The following HIPK2 variants were observed in gnomAD, a reference collection of about 807,000 sequenced individuals.
HIPK2 encodes the protein homeodomain interacting protein kinase 2.
Under a neutral mutation model 113.7 loss-of-function variants are expected in HIPK2, and 27 were observed. That is an observed-to-expected ratio of 0.24 (90% CI 0.17 to 0.33). The LOEUF is 0.33. HIPK2 is among the 10% of genes least tolerant of loss of function. The probability of loss-of-function intolerance (pLI) is 1.00; values close to 1 mark genes in which losing one functional copy is unlikely to be tolerated. For synonymous variants in HIPK2, 631 were observed against 642.2 expected (o/e 0.98, Z 0.26); for missense variants, 1,257 against 1,588.0 (o/e 0.79, Z 3.54).
rs1176072419 is a variant in HIPK2, at chr7:139,565,613, T to G, written c.*7314A>C. The G allele has an allele frequency of 6.6e-6, 1 of 152,228 alleles. No homozygotes were observed. The highest frequency in any genetic ancestry group is 2.4e-5 in the African/African-American group (1 of 41,464). The allele number at this position is 152,228 out of a possible 1,614,324, so 9.4% of individuals were successfully genotyped here. A position where few individuals can be genotyped will look rare whatever the true frequency, so the allele number is the denominator to read the frequency against. On this transcript the variant is annotated 3_prime_UTR_variant, in exon 15 of 15. Transcript: ENST00000406875. ...ATGAAAGCTGGCTGGTTTTCCTGTT[T>G]ATACAATTGTTGCTATTTCTTTGAG...
chr7:139,580,464 T>C (rs1207320960), intron 13 of HIPK2, among the ~76,000 whole-genome samples: 1 of 152,224 alleles, frequency 6.6e-6, no homozygotes, highest in Non-Finnish European at 1.5e-5. Context: ...CCTGTGGCGA[T>C]GGACAAAGCG....
At chr7:139,667,676 G>C (rs1327320623) in intron 2 of HIPK2, among the ~76,000 whole-genome samples, 1 of 152,092 alleles carries the variant, frequency 6.6e-6, no homozygotes, top group Non-Finnish European at 1.5e-5. Context: ...TAGAAACATT[G>C]CCAGATTCTC....
intron 6 of HIPK2, among the ~76,000 whole-genome samples, chr7:139,624,053 C>T (rs1052394609): frequency 6.7e-6 from 1 of 149,572 alleles, no homozygotes; most frequent in South Asian, 2.1e-4. Flanking sequence ...GACGGAGTCT[C>T]GCTCTGTCGC....
At chr7:139,573,675 C>G (rs187576797) in intron 14 of HIPK2, among the ~76,000 whole-genome samples, 1 of 152,010 alleles carries the variant, frequency 6.6e-6, no homozygotes, top group African/African-American at 2.4e-5. Context: ...AACCCCGTCT[C>G]TACTAAAATA....
At chr7:139,700,488 A>G (rs982533990) in intron 2 of HIPK2, among the ~76,000 whole-genome samples, 3,402 of 152,334 alleles carry the variant, frequency 0.022, 64 homozygotes, top group Non-Finnish European at 0.036. Context: ...GACCTGCTTC[A>G]ATACAAACTC....
intron 12 of HIPK2, among the ~76,000 whole-genome samples, chr7:139,584,495 C>A (rs1426921773): frequency 6.6e-6 from 1 of 152,214 alleles, no homozygotes; most frequent in Non-Finnish European, 1.5e-5. Context: ...TAGGAGTAAA[C>A]CTCGCTGGGA....
rs537346839 is a variant in HIPK2 at position 139,727,550 on chromosome 7, A to G, written c.20-10535T>C. On this transcript the variant is annotated intron_variant, in intron 1 of 14. Transcript: ENST00000406875. ...TTCCTAACATTTGCAAATTCTCCAC[A>G]CATCTATCTACTTATTGACTCATTA... Among the ~76,000 whole-genome samples the G allele has an allele frequency of 4.5e-4, 69 of 152,308 alleles. 1 individual carries two copies. Among genetic ancestry groups the G allele is most frequent in the Admixed American group, 4.5e-3 (69 of 15,300 alleles).
At chr7:139,697,950 G>A (rs904295838) in intron 2 of HIPK2, among the ~76,000 whole-genome samples, 30,179 of 150,500 alleles carry the variant, frequency 0.2, 3,356 homozygotes, top group African/African-American at 0.31. Context: ...GCTCACTGCA[G>A]CCTCCGCCTC....
chr7:139,566,435 G>C lies in HIPK2; in HGVS notation c.*6492C>G, dbSNP rs1014567080. On this transcript the variant is annotated 3_prime_UTR_variant, in exon 15 of 15. Transcript: ENST00000406875. The surrounding 1 kb of genome is among the most constrained non-coding windows in gnomAD (Gnocchi z 4.1). ...ATGAGCAATTCCCAGCACAGTGTGT[G>C]GCATGCAGGAAGCGGGAGTATCACT... The C allele has an allele frequency of 6.6e-6, 1 of 152,202 alleles. No individual in the cohort carries two copies. The highest frequency in any genetic ancestry group is 1.5e-5 in the Non-Finnish European group (1 of 68,048). 9.4% of individuals were successfully genotyped at this position (152,202 alleles called of 1,614,324 possible). A position where few individuals can be genotyped will look rare whatever the true frequency, so the allele number is the denominator to read the frequency against.
chr7:139,708,421 A>G (rs530927981), intron 2 of HIPK2, among the ~76,000 whole-genome samples: 3 of 152,232 alleles, frequency 2.0e-5, no homozygotes, highest in African/African-American at 7.2e-5. Context: ...AATGCATGTC[A>G]CCTGGCCCCC....
chr7:139,711,296 T>C (rs1262273058), intron 2 of HIPK2, among the ~76,000 whole-genome samples: 1 of 152,064 alleles, frequency 6.6e-6, no homozygotes, highest in African/African-American at 2.4e-5. Context: ...GGCGTGGTCA[T>C]GGGCGCCTGT....
At chr7:139,770,597 G>C (rs1246349406) in intron 1 of HIPK2, among the ~76,000 whole-genome samples, 4 of 152,222 alleles carry the variant, frequency 2.6e-5, no homozygotes, top group Non-Finnish European at 5.9e-5. Flanking sequence ...CGTAGTCAAT[G>C]TCATGGAAGG....
intron 9 of HIPK2, among the ~76,000 whole-genome samples, chr7:139,611,193 A>T (rs1799804916): frequency 1.3e-5 from 2 of 152,226 alleles, no homozygotes; most frequent in Admixed American, 6.5e-5. Context: ...AACAAGAAGA[A>T]GATATTTTAT....
rs1359778578 is a variant in HIPK2, at chr7:139,714,515, C to CCAGGTCAGCCCCAGGAATGGGTGA, written c.1103+1393_1103+1416dup. 6.6e-6 allele frequency among the ~76,000 whole-genome samples: 1 copy of CCAGGTCAGCCCCAGGAATGGGTGA among 152,086 alleles called. No homozygotes were observed. Among genetic ancestry groups the CCAGGTCAGCCCCAGGAATGGGTGA allele is most frequent in the African/African-American group, 2.4e-5 (1 of 41,426 alleles). On this transcript the variant is annotated intron_variant, in intron 2 of 14. Transcript: ENST00000406875. The surrounding 1 kb of genome is among the most constrained non-coding windows in gnomAD (Gnocchi z 4.2). ...CAGGGAGCAAGAAGGGGAAGCTGGC[C>CCAGGTCAGCCCCAGGAATGGGTGA]CAGGTCAGCCCCAGGAATGGGTGAC...
intron 1 of HIPK2, among the ~76,000 whole-genome samples, chr7:139,736,834 C>A (rs1482781008): frequency 6.6e-6 from 1 of 152,172 alleles, no homozygotes; most frequent in African/African-American, 2.4e-5. Flanking sequence ...GTATGTTTTC[C>A]TTCCAACGGC....
chr7:139,751,786 A>T (rs1796283752), intron 1 of HIPK2, among the ~76,000 whole-genome samples: 1 of 152,176 alleles, frequency 6.6e-6, no homozygotes, highest in African/African-American at 2.4e-5. Flanking sequence ...TTCAGAAGAC[A>T]CCCCAAAGAT....
At chr7:139,775,299 G>T (rs185429416) in intron 1 of HIPK2, among the ~76,000 whole-genome samples, 110 of 152,288 alleles carry the variant, frequency 7.2e-4, no homozygotes, top group African/African-American at 2.6e-3. Context: ...GAGAAAGGAG[G>T]TCATCAGAGT....
At chr7:139,574,785 G>A (rs998002232) in intron 14 of HIPK2, among the ~76,000 whole-genome samples, 3 of 152,216 alleles carry the variant, frequency 2.0e-5, no homozygotes, top group African/African-American at 7.2e-5. Context: ...GTCCCAGGCC[G>A]ACAGGGCCGG....
intron 2 of HIPK2, among the ~76,000 whole-genome samples, chr7:139,713,164 T>C (rs945447944): frequency 6.6e-6 from 1 of 151,464 alleles, no homozygotes; most frequent in Admixed American, 6.6e-5. Context: ...TGTCACGAAG[T>C]GGGGAAAAGA....
Sources: allele counts gnomAD v4.1 joint callset (sites outside exome capture counted in the v4.1 genomes callset), GRCh38; gene constraint gnomAD v4.1.1; non-coding constraint Gnocchi (gnomAD v3.1); transcripts MANE v1.5; gene names NCBI Gene and HGNC (gene_info 2026-07-23, HGNC 2026-07-21).